Variants in NPR3 observed in about 807,000 individuals in gnomAD.
NPR3 encodes the protein atrial natriuretic peptide receptor 3.
NPR3 carries 34 observed loss-of-function variants against 54.5 expected under a neutral mutation model. The ratio of observed to expected loss-of-function variants is 0.62; its 90% CI spans 0.47 to 0.83. The LOEUF (loss-of-function observed/expected upper bound fraction) is 0.83. Ranked by LOEUF, NPR3 falls within the 40% of genes least tolerant of loss-of-function variation. The pLI is 0.00. For missense variants in NPR3, 674 were observed against 720.8 expected, an observed-to-expected ratio of 0.94 and a Z score of 0.74; for synonymous variants, 289 against 297.1, an observed-to-expected ratio of 0.97 and a Z score of 0.28.
chr5:32,730,853 C>G (rs982108259), intron 2 of NPR3, among the ~76,000 whole-genome samples: 19 of 152,136 alleles, frequency 1.2e-4, no homozygotes, highest in African/African-American at 4.6e-4. Context: ...ATACCTTGTT[C>G]ATGAATTGGA....
chr5:32,743,340 A>T (rs1356377545), intron 3 of NPR3, among the ~76,000 whole-genome samples: 1 of 152,148 alleles, frequency 6.6e-6, no homozygotes, highest in Non-Finnish European at 1.5e-5. Flanking sequence ...ATTGACACGG[A>T]TGCAATGCAG....
intron 3 of NPR3, among the ~76,000 whole-genome samples, chr5:32,766,090 C>T (rs1741444497): frequency 1.3e-5 from 2 of 152,196 alleles, no homozygotes; most frequent in Admixed American, 1.3e-4. Flanking sequence ...CAACCGGAAG[C>T]CAGAGGATGG....
intron 2 of NPR3, among the ~76,000 whole-genome samples, chr5:32,728,919 G>T (rs1579616782): frequency 7.5e-6 from 1 of 133,388 alleles, no homozygotes; most frequent in East Asian, 2.3e-4. Flanking sequence ...GTCTAAACAT[G>T]AAATCCATTT....
chr5:32,786,336 A>C lies in NPR3; in HGVS notation c.1617A>C (p.Ser539=), dbSNP rs1158378301. ...LREDSIRSHF[S]VA ...AAGATTCCATCAGATCCCATTTTTC[A>C]GTAGCTTAAAGGAAGCCCCCCACTT... Residue 539 remains serine (S), a synonymous_variant, in exon 8 of 8, where the codon TCA becomes TCC. Transcript: ENST00000265074. 1 of 1,457,964 alleles carries C rather than the reference A, an allele frequency of 6.9e-7. No individual in the cohort carries two copies. Among genetic ancestry groups the C allele is most frequent in the Non-Finnish European group, 9.5e-7 (1 of 1,048,226 alleles). The allele number at this position is 1,457,964 out of a possible 1,614,324, so 90.3% of individuals were successfully genotyped here. A position where few individuals can be genotyped will look rare whatever the true frequency, so the allele number is the denominator to read the frequency against.
chr5:32,769,433 A>G (rs1048369744), intron 3 of NPR3, among the ~76,000 whole-genome samples: 17 of 152,154 alleles, frequency 1.1e-4, no homozygotes, highest in African/African-American at 4.1e-4. Flanking sequence ...ATTGTTCACT[A>G]TGATGAGGGA....
At chr5:32,713,053 T>TC in intron 1 of NPR3, 1 of 534,282 alleles carries the variant, frequency 1.9e-6, no homozygotes, top group South Asian at 8.1e-5. Flanking sequence ...GACTGTTGTT[T>TC]CCACAGACCC....
rs118033407 is a variant in NPR3 at position 32,752,333 on chromosome 5, C to T, written c.1059+13303C>T. Among the ~76,000 whole-genome samples, 310 of 152,322 alleles carry T rather than the reference C, an allele frequency of 2.0e-3. 8 individuals are homozygous for T. The East Asian group carries it at 0.047, about 23-fold the overall frequency. ...GTTATTTGAAAAGTTATCAGATCATCAATAAAATCTTGGCCAGACACTTCC... is the reference window on the plus strand; with the variant it reads ...GTTATTTGAAAAGTTATCAGATCATTAATAAAATCTTGGCCAGACACTTCC... On this transcript the variant is annotated intron_variant, in intron 3 of 7. Transcript: ENST00000265074.
At chr5:32,732,544 A>G (rs939279783) in intron 2 of NPR3, among the ~76,000 whole-genome samples, 1 of 152,186 alleles carries the variant, frequency 6.6e-6, no homozygotes, top group African/African-American at 2.4e-5. Context: ...ACTGAGGAAG[A>G]AGAGAGCATG....
chr5:32,736,731 C>T (rs564763393), intron 2 of NPR3, among the ~76,000 whole-genome samples: 69 of 152,218 alleles, frequency 4.5e-4, no homozygotes, highest in African/African-American at 1.2e-3. Flanking sequence ...CTCACTGGCC[C>T]GAGCAGGGGT....
chr5:32,691,476 ACT>A (rs1300100235), intron 1 of NPR3, among the ~76,000 whole-genome samples: 1 of 152,016 alleles, frequency 6.6e-6, no homozygotes, highest in African/African-American at 2.4e-5. Flanking sequence ...TTATGTTCAA[ACT>A]CTCGCTTCAT....
intron 1 of NPR3, among the ~76,000 whole-genome samples, chr5:32,692,624 C>T (rs568901804): frequency 3.9e-5 from 6 of 152,196 alleles, no homozygotes; most frequent in Non-Finnish European, 8.8e-5. Context: ...ATTTTAGTCT[C>T]ATGCATCAGT....
intron 3 of NPR3, among the ~76,000 whole-genome samples, chr5:32,772,427 A>G (rs941960035): frequency 3.3e-5 from 5 of 152,012 alleles, no homozygotes; most frequent in Admixed American, 2.6e-4. Context: ...TCTCCTGCAA[A>G]TCAGCACTCT....
At chr5:32,759,839 GTATTT>G (rs1279300571) in intron 3 of NPR3, among the ~76,000 whole-genome samples, 1 of 152,172 alleles carries the variant, frequency 6.6e-6, no homozygotes, top group Non-Finnish European at 1.5e-5. Context: ...TGTCTGTAAA[GTATTT>G]TATTTCTCCT....
At chr5:32,713,281 C>T in intron 1 of NPR3, 1 of 985,460 alleles carries the variant, frequency 1.0e-6, no homozygotes, top group African/African-American at 1.7e-5. Context: ...AGCGCTGAAC[C>T]TTCTTTCCAC....
intron 1 of NPR3, among the ~76,000 whole-genome samples, chr5:32,722,440 G>A (rs1019054399): frequency 2.6e-5 from 4 of 152,154 alleles, no homozygotes; most frequent in Non-Finnish European, 4.4e-5. Flanking sequence ...GGACCTCATT[G>A]AATTTAAACA....
At chr5:32,733,198 T>TA (rs1376523562) in intron 2 of NPR3, among the ~76,000 whole-genome samples, 1 of 152,078 alleles carries the variant, frequency 6.6e-6, no homozygotes, top group Non-Finnish European at 1.5e-5. Flanking sequence ...AAAAAAAACA[T>TA]ATTGATAGTG....
intron 4 of NPR3, among the ~76,000 whole-genome samples, chr5:32,777,173 G>A (rs752569925): frequency 2.5e-4 from 38 of 152,252 alleles, no homozygotes; most frequent in Non-Finnish European, 4.4e-5. Flanking sequence ...ACCTGGGTGA[G>A]ACAGAAAGTC....
intron 3 of NPR3, among the ~76,000 whole-genome samples, chr5:32,745,721 T>C (rs1274132533): frequency 1.3e-5 from 2 of 152,202 alleles, no homozygotes; most frequent in Admixed American, 6.5e-5. Context: ...TACACACTTG[T>C]AAGATACCGA....
In NPR3 at chr5:32,788,657, A is replaced by G. The variant is rs1742754759; in HGVS notation, c.*2312A>G. On this transcript the variant is annotated 3_prime_UTR_variant, in exon 8 of 8. Coordinates refer to ENST00000265074, the MANE Select transcript of NPR3 (RefSeq NM_001204375.2). Reference sequence around the variant, plus strand: ...CCATTAACACTAACATTTTTAGAGCAAATATATTCTATTTTAACTTCAGGT... The same window carrying G: ...CCATTAACACTAACATTTTTAGAGCGAATATATTCTATTTTAACTTCAGGT... The G allele has an allele frequency of 6.6e-6, 1 of 152,188 alleles. No individual in the cohort carries two copies. The highest frequency in any genetic ancestry group is 2.1e-4 in the South Asian group (1 of 4,822). 9.4% of individuals were successfully genotyped at this position (152,188 alleles called of 1,614,324 possible).
Sources: gnomAD v4.1 joint callset for allele counts (sites outside exome capture counted in the v4.1 genomes callset) on GRCh38, gnomAD v4.1.1 for gene constraint, MANE v1.5 for transcripts, NCBI Gene and HGNC (gene_info 2026-07-23, HGNC 2026-07-21) for gene names.